The following CPNE4 variants were observed in gnomAD, a reference collection of about 807,000 sequenced individuals.
CPNE4 encodes copine 4.
CPNE4 carries 25 observed loss-of-function variants against 67.9 expected under a neutral mutation model. The observed-to-expected ratio is 0.37, with a 90% confidence interval of 0.27 to 0.51. CPNE4 has a LOEUF of 0.51. CPNE4 is among the 20% of genes least tolerant of loss of function. CPNE4 has a pLI of 0.93. For synonymous variants in CPNE4, 242 were observed against 244.9 expected (o/e 0.99, Z 0.11); for missense variants, 464 against 690.8 (o/e 0.67, Z 3.68).
intron 6 of CPNE4, among the ~76,000 whole-genome samples, chr3:131,682,672 C>A (rs1388247693): frequency 2.0e-5 from 3 of 152,014 alleles, no homozygotes; most frequent in African/African-American, 7.2e-5. Flanking sequence ...CTCTAGTACT[C>A]TACAATCAGG....
rs1037111552 is a variant in CPNE4, at chr3:131,701,247, G to GA, written c.361-1268dup. 3.2e-3 allele frequency among the ~76,000 whole-genome samples: 463 copies of GA among 146,956 alleles called. 1 individual carries two copies. The highest frequency in any genetic ancestry group is 9.5e-3 in the African/African-American group (380 of 40,002). On this transcript the variant is annotated intron_variant, in intron 3 of 15. Coordinates refer to ENST00000429747, the MANE Select transcript of CPNE4 (RefSeq NM_130808.3). The stretch of plus-strand genomic sequence containing the variant: ...ACCCTAGAACTTAAAGTACAATTAA[G>GA]AAAAAAAAAAGAACCAAGTTGAAGC...
chr3:131,972,569 T>C (rs1244170012), intron 1 of CPNE4, among the ~76,000 whole-genome samples: 1 of 152,080 alleles, frequency 6.6e-6, no homozygotes, highest in Admixed American at 6.6e-5. Flanking sequence ...GCCCCTCACA[T>C]CCGAGAAGAA....
chr3:131,581,710 G>A (rs375945840), intron 8 of CPNE4, 45 bp from the exon 9 acceptor site: 2 of 1,418,358 alleles, frequency 1.4e-6, no homozygotes, highest in African/African-American at 2.8e-5. Flanking sequence ...GGAAAAAGCT[G>A]AGTCTTTCAA....
intron 7 of CPNE4, among the ~76,000 whole-genome samples, chr3:131,655,092 G>A (rs2079917676): frequency 6.6e-6 from 1 of 152,190 alleles, no homozygotes; most frequent in African/African-American, 2.4e-5. Context: ...AAATTTTAAG[G>A]TTGAGATGGG....
chr3:131,797,798 T>C (rs2083959291), intron 2 of CPNE4, among the ~76,000 whole-genome samples: 1 of 152,196 alleles, frequency 6.6e-6, no homozygotes, highest in African/African-American at 2.4e-5. Flanking sequence ...GAATGAGCTG[T>C]GTAGAGGCCT....
At chr3:131,547,192 T>A (rs112642621) in intron 14 of CPNE4, among the ~76,000 whole-genome samples, 1 of 152,010 alleles carries the variant, frequency 6.6e-6, no homozygotes, top group African/African-American at 2.4e-5. Flanking sequence ...CATTGGCTCA[T>A]GCCTATAACC....
chr3:131,978,494 ATT>A (rs1491327997), intron 1 of CPNE4, among the ~76,000 whole-genome samples: 19 of 68,414 alleles, frequency 2.8e-4, no homozygotes, highest in African/African-American at 1.3e-3. Context: ...ATTTATATAT[ATT>A]TATATATTTA....
At chr3:131,861,796 A>G (rs1177821870) in intron 2 of CPNE4, among the ~76,000 whole-genome samples, 1 of 152,194 alleles carries the variant, frequency 6.6e-6, no homozygotes, top group Non-Finnish European at 1.5e-5. Flanking sequence ...ACTTGAGAAC[A>G]CTAATGGGAC....
intron 2 of CPNE4, among the ~76,000 whole-genome samples, chr3:131,830,912 C>G (rs73203816): frequency 0.075 from 11,322 of 151,950 alleles, 572 homozygotes; most frequent in East Asian, 0.17. Flanking sequence ...GTACAAGGTA[C>G]AAAGATACAA....
chr3:131,922,982 T>C (rs553577868), intron 1 of CPNE4, among the ~76,000 whole-genome samples: 1 of 152,196 alleles, frequency 6.6e-6, no homozygotes, highest in Admixed American at 6.5e-5. Flanking sequence ...TAAATTAAAA[T>C]GGTTCATGTT....
intron 1 of CPNE4, among the ~76,000 whole-genome samples, chr3:131,930,923 A>G (rs2071042801): frequency 6.6e-6 from 1 of 152,140 alleles, no homozygotes; most frequent in Non-Finnish European, 1.5e-5. Flanking sequence ...TGCGCCTCTC[A>G]TAAGGTGCTA....
chr3:131,598,999 T>G (rs1939057752), intron 7 of CPNE4, among the ~76,000 whole-genome samples: 1 of 152,182 alleles, frequency 6.6e-6, no homozygotes, highest in African/African-American at 2.4e-5. Flanking sequence ...CTCATACCAC[T>G]CAGTCTAGAC....
chr3:131,735,403 T>C (rs886272989), intron 2 of CPNE4, among the ~76,000 whole-genome samples: 3 of 152,218 alleles, frequency 2.0e-5, no homozygotes, highest in African/African-American at 7.2e-5. Context: ...GAACACTAGC[T>C]CTACAGGCAG....
upstream of CPNE4, among the ~76,000 whole-genome samples, chr3:132,036,485 C>T (rs1020387073): frequency 1.2e-4 from 18 of 152,184 alleles, no homozygotes; most frequent in Admixed American, 2.0e-4. Context: ...AAAGGGGAGA[C>T]GGATGCTAAG....
chr3:131,952,650 C>T (rs2071795570), intron 1 of CPNE4, among the ~76,000 whole-genome samples: 1 of 148,208 alleles, frequency 6.7e-6, no homozygotes, highest in African/African-American at 2.5e-5. Flanking sequence ...GCCAGCCGCC[C>T]CGTCTGGGAG....
intron 7 of CPNE4, among the ~76,000 whole-genome samples, chr3:131,588,384 A>T (rs1938320012): frequency 6.6e-6 from 1 of 152,286 alleles, no homozygotes; most frequent in East Asian, 1.9e-4. Flanking sequence ...ACTGGATTGG[A>T]GTCTTCAGCA....
intron 3 of CPNE4, among the ~76,000 whole-genome samples, chr3:131,706,349 A>T (rs75275834): frequency 0.14 from 20,853 of 152,260 alleles, 1,653 homozygotes; most frequent in African/African-American, 0.2. Context: ...TACTTTGAAA[A>T]CACCGATTAT....
At chr3:131,619,156 G>A (rs1173463450) in intron 7 of CPNE4, among the ~76,000 whole-genome samples, 1 of 152,132 alleles carries the variant, frequency 6.6e-6, no homozygotes, top group African/African-American at 2.4e-5. Context: ...AAGACCTTAG[G>A]AAAGGAAAAT....
At chr3:131,693,356 G>A (rs1342706554) in intron 5 of CPNE4, among the ~76,000 whole-genome samples, 4 of 152,042 alleles carry the variant, frequency 2.6e-5, no homozygotes, top group Middle Eastern at 3.4e-3. Flanking sequence ...TAAAATATTG[G>A]TTACATTGTT....
Sources: allele counts gnomAD v4.1 joint callset (sites outside exome capture counted in the v4.1 genomes callset), GRCh38; gene constraint gnomAD v4.1.1; transcripts MANE v1.5; gene names NCBI Gene and HGNC (gene_info 2026-07-23, HGNC 2026-07-21).